FBXO34: variants seen among roughly 807,000 people sequenced by gnomAD.
FBXO34 encodes F-box only protein 34.
In FBXO34, 12 loss-of-function variants were observed where a neutral mutation model predicts 24.5. The ratio of observed to expected loss-of-function variants is 0.49; its 90% CI spans 0.31 to 0.79. The LOEUF (loss-of-function observed/expected upper bound fraction) is 0.79, where lower values mean the gene tolerates loss of function less well. Ranked by LOEUF, FBXO34 falls within the 30% of genes least tolerant of loss-of-function variation. FBXO34 has a pLI of 0.04. For synonymous variants in FBXO34, 320 were observed against 311.9 expected (o/e 1.03, Z -0.27); for missense variants, 823 against 857.7 (o/e 0.96, Z 0.51).
chr14:55,432,709 A>G, the FBXO34 span, among the ~76,000 whole-genome samples: 1 of 152,218 alleles, frequency 6.6e-6, no homozygotes, highest in Non-Finnish European at 1.5e-5. Context: ...GGATAAAATG[A>G]ACACTTAGTA....
chr14:55,299,275 G>C (rs965251825), intron 1 of FBXO34: 1 of 767,142 alleles, frequency 1.3e-6, no homozygotes, highest in African/African-American at 1.7e-5. Flanking sequence ...GGTCCAGCGC[G>C]GGCAGGATGG....
the FBXO34 span, chr14:55,411,956 C>A: frequency 1.3e-6 from 1 of 779,594 alleles, no homozygotes; most frequent in Non-Finnish European, 2.0e-6. Context: ...CCGCGTGTTC[C>A]TGTCCCGGGC....
chr14:55,314,720 A>AG (rs1389773280), intron 1 of FBXO34, among the ~76,000 whole-genome samples: 2 of 152,244 alleles, frequency 1.3e-5, no homozygotes, highest in Non-Finnish European at 2.9e-5. Context: ...TGTTGGAAAA[A>AG]TTTAATCTGA....
chr14:55,359,375 T>C (rs1156736228), intron 3 of FBXO34, among the ~76,000 whole-genome samples: 1 of 152,218 alleles, frequency 6.6e-6, no homozygotes, highest in African/African-American at 2.4e-5. Flanking sequence ...CATCCAACAG[T>C]TCCAGACCAC....
the FBXO34 span, chr14:55,440,307 T>G: frequency 1.3e-6 from 2 of 1,487,498 alleles, no homozygotes; most frequent in South Asian, 1.2e-5. Context: ...ATGGTCGCTA[T>G]GAGTTTTAAG....
the FBXO34 span, among the ~76,000 whole-genome samples, chr14:55,421,887 C>A: frequency 6.6e-6 from 1 of 152,258 alleles, no homozygotes; most frequent in African/African-American, 2.4e-5. Flanking sequence ...ATGACTTAAT[C>A]AACTTTTCTG....
chr14:55,437,143 T>C, the FBXO34 span: 3 of 802,644 alleles, frequency 3.7e-6, no homozygotes, highest in East Asian at 2.5e-5. Context: ...TCAAGATTGC[T>C]TGTATTCATG....
At chr14:55,334,707 CG>C (rs1883716306) in intron 1 of FBXO34, among the ~76,000 whole-genome samples, 1 of 152,126 alleles carries the variant, frequency 6.6e-6, no homozygotes, top group South Asian at 2.1e-4. Flanking sequence ...GGAACTCAGG[CG>C]GAAGCTCTTC....
At chr14:55,370,743 C>CT (rs1319517236), downstream of FBXO34, among the ~76,000 whole-genome samples, 2 of 151,284 alleles carry the variant, frequency 1.3e-5, no homozygotes, top group East Asian at 3.9e-4. Context: ...CAGGTGCAAG[C>CT]GATTCTCCTG....
the FBXO34 span, among the ~76,000 whole-genome samples, chr14:55,381,280 A>T: frequency 1.3e-5 from 2 of 152,254 alleles, no homozygotes; most frequent in African/African-American, 4.8e-5. Context: ...GACGAAATGA[A>T]CAAAGAATCT....
chr14:55,375,964 T>C, the FBXO34 span, among the ~76,000 whole-genome samples: 9 of 152,236 alleles, frequency 5.9e-5, no homozygotes, highest in Non-Finnish European at 1.0e-4. Flanking sequence ...CTAGTAATTT[T>C]CCCCCCTAAT....
chr14:55,360,332 C>A (rs1024944937), intron 3 of FBXO34, among the ~76,000 whole-genome samples: 2 of 152,138 alleles, frequency 1.3e-5, no homozygotes, highest in Non-Finnish European at 2.9e-5. Context: ...CTCGGCCTCC[C>A]AAAGTGCTGG....
the FBXO34 span, among the ~76,000 whole-genome samples, chr14:55,383,158 G>A: frequency 2.6e-5 from 4 of 151,878 alleles, no homozygotes; most frequent in African/African-American, 9.7e-5. Context: ...TTACGCACGC[G>A]TCCCATGCCA....
the FBXO34 span, chr14:55,414,481 AT>A: frequency 6.6e-7 from 1 of 1,504,496 alleles, no homozygotes; most frequent in Non-Finnish European, 9.0e-7. Flanking sequence ...GGTTTATATA[AT>A]TTTTAATATA....
chr14:55,385,966 G>A, the FBXO34 span: 1 of 1,614,118 alleles, frequency 6.2e-7, no homozygotes, highest in Non-Finnish European at 8.5e-7. Context: ...TTAAGTCAAT[G>A]GTCTTTTTTT....
rs1252019256 is a variant in FBXO34 at position 55,331,709 on chromosome 14, ATATATATG to A, written c.-10-18664_-10-18657del. Among the ~76,000 whole-genome samples the A allele has an allele frequency of 1.6e-4, 9 of 56,186 alleles. 3 individuals are homozygous for A. The highest frequency in any genetic ancestry group is 9.6e-4 in the African/African-American group (6 of 6,232). 36.9% of individuals were successfully genotyped at this position (56,186 alleles called of 152,430 possible). Reference sequence around the variant, plus strand: ...TGTGTATATATATATATATATGTATATATATATGTATATATATATGTATATATATATGT... The same window carrying A: ...TGTGTATATATATATATATATGTATATATATATATATGTATATATATATGT... On this transcript the variant is annotated intron_variant, in intron 1 of 1. Coordinates refer to ENST00000313833, the MANE Select transcript of FBXO34 (RefSeq NM_017943.4).
the FBXO34 span, among the ~76,000 whole-genome samples, chr14:55,417,558 C>T: frequency 3.3e-5 from 5 of 150,922 alleles, no homozygotes; most frequent in Middle Eastern, 3.5e-3. Flanking sequence ...GGTTTGGGTT[C>T]AAGTGATTCT....
At chr14:55,372,517 T>A (rs187155080), downstream of FBXO34, among the ~76,000 whole-genome samples, 49 of 152,156 alleles carry the variant, frequency 3.2e-4, no homozygotes, top group Non-Finnish European at 6.5e-4. Context: ...CAGTCAGCTT[T>A]TTACCACAGC....
At chr14:55,337,806 C>T (rs116553704) in intron 1 of FBXO34, among the ~76,000 whole-genome samples, 1 of 152,154 alleles carries the variant, frequency 6.6e-6, no homozygotes, top group African/African-American at 2.4e-5. Flanking sequence ...CCTCCTTTCA[C>T]AGTCACACAT....
Sources: gnomAD v4.1 joint callset for allele counts (sites outside exome capture counted in the v4.1 genomes callset) on GRCh38, gnomAD v4.1.1 for gene constraint, MANE v1.5 for transcripts, NCBI Gene and HGNC (gene_info 2026-07-23, HGNC 2026-07-21) for gene names.